JPH1: variants seen among roughly 807,000 people sequenced by gnomAD.
JPH1 encodes the protein junctophilin 1, also known as junctophilin-1.
In JPH1, 12 loss-of-function variants were observed where a neutral mutation model predicts 53.6. That is an observed-to-expected ratio of 0.22 (90% CI 0.14 to 0.36). The LOEUF (loss-of-function observed/expected upper bound fraction) is 0.36, where lower values mean the gene tolerates loss of function less well. Among genes scored for constraint, JPH1 ranks in the 10% least tolerant of loss-of-function variants. JPH1 has a pLI of 1.00. For missense variants in JPH1, 808 were observed against 905.5 expected, an observed-to-expected ratio of 0.89 and a Z score of 1.38; for synonymous variants, 375 against 363.8, an observed-to-expected ratio of 1.03 and a Z score of -0.35.
intron 2 of JPH1, among the ~76,000 whole-genome samples, chr8:74,275,840 G>A (rs1806832847): frequency 6.6e-6 from 1 of 152,150 alleles, no homozygotes; most frequent in Admixed American, 6.5e-5. Context: ...TCTGAGAATG[G>A]GGAGAAAGGT....
intron 2 of JPH1, among the ~76,000 whole-genome samples, chr8:74,268,277 A>G (rs1186079991): frequency 6.6e-6 from 1 of 152,192 alleles, no homozygotes; most frequent in East Asian, 1.9e-4. Flanking sequence ...ACTGTACAGA[A>G]GTTCTAACGA....
At chr8:74,255,812 C>A (rs571472311) in intron 3 of JPH1, among the ~76,000 whole-genome samples, 5,735 of 152,234 alleles carry the variant, frequency 0.038, 337 homozygotes, top group African/African-American at 0.12. Context: ...CACTGGCCAT[C>A]AGAGAAATGC....
chr8:74,298,860 G>C (rs527511905), intron 2 of JPH1, among the ~76,000 whole-genome samples: 1 of 152,164 alleles, frequency 6.6e-6, no homozygotes, highest in Non-Finnish European at 1.5e-5. Flanking sequence ...ATGAAGGCAC[G>C]AGAGACCTGT....
intron 2 of JPH1, among the ~76,000 whole-genome samples, chr8:74,275,825 C>A (rs1806831418): frequency 6.6e-6 from 1 of 152,176 alleles, no homozygotes; most frequent in Non-Finnish European, 1.5e-5. Flanking sequence ...TTCCCCACCC[C>A]CTGCTCTGAG....
chr8:74,303,170 G>A (rs1358952900), intron 2 of JPH1, among the ~76,000 whole-genome samples: 1 of 152,172 alleles, frequency 6.6e-6, no homozygotes, highest in Non-Finnish European at 1.5e-5. Flanking sequence ...TTACATACAA[G>A]GATTTCCTCT....
intron 2 of JPH1, among the ~76,000 whole-genome samples, chr8:74,275,423 C>T (rs1806819022): frequency 6.6e-6 from 1 of 152,196 alleles, no homozygotes; most frequent in South Asian, 2.1e-4. Flanking sequence ...GTGCTCTGAG[C>T]TTTCAGAGAG....
intron 3 of JPH1, among the ~76,000 whole-genome samples, chr8:74,256,005 C>T (rs1484189451): frequency 2.0e-5 from 3 of 152,136 alleles, no homozygotes; most frequent in Non-Finnish European, 4.4e-5. Flanking sequence ...GGATCTAGAA[C>T]TAGAAATACC....
Position 74,315,457 on chromosome 8 carries a change from G to A in JPH1, c.543C>T (p.Ala181=), listed in dbSNP as rs903618326. ...GGGTGCCGGCCGGGCTGTCGGCGGCGGCTGCGGCGTCGTGGAGCACGCTGC... is the reference window on the plus strand; with the variant it reads ...GGGTGCCGGCCGGGCTGTCGGCGGCAGCTGCGGCGTCGTGGAGCACGCTGC... ...SNGSVLHDAA[A]AADSPAGTRG... Residue 181 remains alanine, a synonymous_variant, in exon 2 of 6, where the codon GCC becomes GCT. Coordinates refer to ENST00000342232, the MANE Select transcript of JPH1 (RefSeq NM_020647.4). This position sits in a 1 kb window ranked among gnomAD's most constrained non-coding sequence, Gnocchi z 6.3. 13 of 1,608,616 alleles carry A rather than the reference G, an allele frequency of 8.1e-6. No homozygotes were observed. In the Admixed American group the frequency reaches 8.4e-5, roughly 10 times the overall value.
rs74732956 is a variant in JPH1 at position 74,312,860 on chromosome 8, T to G, written c.1139+2001A>C. On this transcript the variant is annotated intron_variant, in intron 2 of 5. Transcript: ENST00000342232. ...AGCATTTTAAACATAGCTAAGTAAC[T>G]ATGAAGTAACTAACTGGCTAAAAGT... Among the ~76,000 whole-genome samples the G allele has an allele frequency of 6.5e-3, 983 of 152,326 alleles. 16 individuals are homozygous for G. Among genetic ancestry groups the G allele is most frequent in the African/African-American group, 0.022 (896 of 41,572 alleles).
intron 2 of JPH1, among the ~76,000 whole-genome samples, chr8:74,286,083 T>G (rs1807156211): frequency 6.6e-6 from 1 of 152,220 alleles, no homozygotes; most frequent in Non-Finnish European, 1.5e-5. Flanking sequence ...AAATACATCC[T>G]GTTAACTAGC....
rs368956190 is a variant in JPH1 at position 74,244,822 on chromosome 8, T to A, written c.1612A>T (p.Ile538Phe). Residue 538 changes from isoleucine to phenylalanine, a missense_variant, in exon 4 of 6, where the codon ATC becomes TTC. This residue lies in a region of JPH1 where 756 missense variants were observed against 811.9 expected (regional missense o/e 0.93). Transcript: ENST00000342232. ...PQSKYSGRHH[I>F]PNPSNGELHS... ...AGCTCCCCGTTACTGGGGTTGGGGATGTGGTGGCGGCCAGAGTACTTGGAC... is the reference window on the plus strand; with the variant it reads ...AGCTCCCCGTTACTGGGGTTGGGGAAGTGGTGGCGGCCAGAGTACTTGGAC... 12 of 1,614,126 alleles carry A rather than the reference T, an allele frequency of 7.4e-6. No individual in the cohort carries two copies. The East Asian group carries it at 8.9e-5, about 12-fold the overall frequency.
intron 3 of JPH1, among the ~76,000 whole-genome samples, chr8:74,255,610 C>G (rs1347928870): frequency 6.6e-6 from 1 of 152,072 alleles, no homozygotes; most frequent in African/African-American, 2.4e-5. Flanking sequence ...GACTAGGCAA[C>G]CTACAGAATG....
rs143139413 is a variant in JPH1, at chr8:74,296,156, A to G, written c.1139+18705T>C. 2.6e-3 allele frequency among the ~76,000 whole-genome samples: 397 copies of G among 152,176 alleles called. 1 individual carries two copies. The highest frequency in any genetic ancestry group is 9.3e-3 in the African/African-American group (385 of 41,518). On this transcript the variant is annotated intron_variant, in intron 2 of 5. Coordinates refer to ENST00000342232, the MANE Select transcript of JPH1 (RefSeq NM_020647.4). The stretch of plus-strand genomic sequence containing the variant: ...ATTAACTCAAAGGAGATAAATCAAA[A>G]CCAAGTATTTGGAGTGCCTATAATG...
At position 74,244,938 on chromosome 8, in the gene JPH1, C is replaced by G; in HGVS notation, c.1496G>C (p.Arg499Thr). Residue 499 changes from arginine to threonine, a missense_variant, in exon 4 of 6, where the codon AGG becomes ACG. Arg to Thr is a moderately conservative substitution (Grantham distance 71). Around this residue, in one of 2 missense-constraint regions of JPH1, gnomAD observed 756 missense variants for 811.9 expected, o/e 0.93. Coordinates refer to ENST00000342232, the MANE Select transcript of JPH1 (RefSeq NM_020647.4). ...SSGARLNQDK[R>T]SVADEQVTAI... ...CGTCACCTGCTCATCAGCCACACTC[C>G]TTTTGTCTTGGTTGAGTCTCGCCCC... The G allele has an allele frequency of 6.2e-7, 1 of 1,614,128 alleles. No individual in the cohort carries two copies. The highest frequency in any genetic ancestry group is 8.5e-7 in the Non-Finnish European group (1 of 1,180,018).
intron 2 of JPH1, among the ~76,000 whole-genome samples, chr8:74,272,753 G>A (rs1017154556): frequency 4.6e-5 from 7 of 151,960 alleles, no homozygotes; most frequent in African/African-American, 9.7e-5. Context: ...ACAGGCGCGC[G>A]CCACCATGCC....
chr8:74,320,841 C>A lies in JPH1; in HGVS notation c.379+68G>T. 7.0e-7 allele frequency: 1 copy of A among 1,423,828 alleles called. No homozygotes were observed. The highest frequency in any genetic ancestry group is 2.8e-5 in the East Asian group (1 of 35,622). 88.2% of individuals were successfully genotyped at this position (1,423,828 alleles called of 1,614,324 possible). On this transcript the variant is annotated intron_variant, in intron 1 of 5. Coordinates refer to ENST00000342232, the MANE Select transcript of JPH1 (RefSeq NM_020647.4). This position sits in a 1 kb window ranked among gnomAD's most constrained non-coding sequence, Gnocchi z 4.4. The stretch of plus-strand genomic sequence containing the variant: ...GTGCGCCCGGCGTCCTCCCCGCTTC[C>A]CCGCAGCCGGGGCAGAGCCCACCGC...
intron 2 of JPH1, among the ~76,000 whole-genome samples, chr8:74,279,314 G>C (rs1023148696): frequency 6.6e-6 from 1 of 152,210 alleles, no homozygotes; most frequent in African/African-American, 2.4e-5. Context: ...CTAATGCTAG[G>C]CTTAAGGTTT....
Position 74,307,020 on chromosome 8 carries a change from T to C in JPH1, c.1139+7841A>G, listed in dbSNP as rs552974064. 5.3e-5 allele frequency among the ~76,000 whole-genome samples: 8 copies of C among 152,204 alleles called. No individual in the cohort carries two copies. The South Asian group carries it at 1.7e-3, about 32-fold the overall frequency. On this transcript the variant is annotated intron_variant, in intron 2 of 5. Transcript: ENST00000342232. ...TCAGTCTTAAAAAAATAAAATTGCC[T>C]GCTAACTTCACACAGATCTGGTGCT...
chr8:74,245,838 A>C (rs1383241685), intron 3 of JPH1, among the ~76,000 whole-genome samples: 1 of 151,582 alleles, frequency 6.6e-6, no homozygotes, highest in Non-Finnish European at 1.5e-5. Flanking sequence ...GTTTATAAAA[A>C]TCTTGTTACT....
Sources: allele counts gnomAD v4.1 joint callset (sites outside exome capture counted in the v4.1 genomes callset), GRCh38; gene constraint gnomAD v4.1.1; regional missense constraint gnomAD v4.1.1; non-coding constraint Gnocchi (gnomAD v3.1); transcripts MANE v1.5; gene names NCBI Gene and HGNC (gene_info 2026-07-23, HGNC 2026-07-21).